Variants in IGSF11 observed in about 807,000 individuals in gnomAD.
IGSF11 encodes the protein immunoglobulin superfamily member 11.
Under a neutral mutation model 41.0 loss-of-function variants are expected in IGSF11, and 22 were observed. That is an observed-to-expected ratio of 0.54 (90% CI 0.38 to 0.77). IGSF11 has a LOEUF of 0.77. IGSF11 is among the 30% of genes least tolerant of loss of function. The probability of loss-of-function intolerance (pLI) is 0.00; values close to 1 mark genes in which losing one functional copy is unlikely to be tolerated. For synonymous variants in IGSF11, 219 were observed against 201.3 expected, an observed-to-expected ratio of 1.09 and a Z score of -0.74; for missense variants, 444 against 530.8, an observed-to-expected ratio of 0.84 and a Z score of 1.61.
At chr3:119,094,223 T>TTAAAAAAAAAA (rs1491294473) in intron 1 of IGSF11, among the ~76,000 whole-genome samples, 2 of 35,074 alleles carry the variant, frequency 5.7e-5, no homozygotes, top group Non-Finnish European at 5.7e-5. Flanking sequence ...CATAGCGAAG[T>TTAAAAAAAAAA]AAAAAAAAAA....
chr3:119,100,023 C>T (rs554290018), intron 1 of IGSF11, among the ~76,000 whole-genome samples: 4 of 152,070 alleles, frequency 2.6e-5, no homozygotes, highest in Non-Finnish European at 4.4e-5. Context: ...TAAGACAGAA[C>T]GGGATGACAT....
chr3:118,926,356 A>G (rs1942302169), intron 3 of IGSF11, 100 bp from the exon 4 acceptor site: 7 of 975,158 alleles, frequency 7.2e-6, no homozygotes, highest in Non-Finnish European at 1.0e-5. Flanking sequence ...CTTAGATTAC[A>G]CTGTTTTGGG....
At chr3:119,055,922 A>G (rs370375910) in intron 1 of IGSF11, among the ~76,000 whole-genome samples, 1 of 152,212 alleles carries the variant, frequency 6.6e-6, no homozygotes, top group East Asian at 1.9e-4. Flanking sequence ...TTTGAAACCA[A>G]TAAGAAAAAA....
intron 1 of IGSF11, among the ~76,000 whole-genome samples, chr3:118,961,899 T>C (rs1246291925): frequency 1.3e-5 from 2 of 152,252 alleles, no homozygotes; most frequent in East Asian, 1.9e-4. Context: ...CTACGTAATA[T>C]ATGTGTAAAT....
intron 1 of IGSF11, among the ~76,000 whole-genome samples, chr3:119,040,102 G>C (rs1941064760): frequency 6.6e-6 from 1 of 152,158 alleles, no homozygotes; most frequent in African/African-American, 2.4e-5. Flanking sequence ...CATGCAGCCA[G>C]AGGCTACAAG....
chr3:119,073,503 G>T (rs571050425), intron 1 of IGSF11, among the ~76,000 whole-genome samples: 20 of 152,288 alleles, frequency 1.3e-4, no homozygotes, highest in African/African-American at 4.3e-4. Flanking sequence ...AGCCCACCGT[G>T]GGGGGGCTCG....
intron 1 of IGSF11, among the ~76,000 whole-genome samples, chr3:119,031,618 C>T (rs894585270): frequency 2.6e-5 from 4 of 152,202 alleles, no homozygotes; most frequent in African/African-American, 9.7e-5. Flanking sequence ...AAGCATAACG[C>T]TTTTTAAGTG....
intron 1 of IGSF11, among the ~76,000 whole-genome samples, chr3:119,092,073 G>T (rs953513590): frequency 1.3e-5 from 2 of 151,384 alleles, no homozygotes; most frequent in African/African-American, 4.9e-5. Flanking sequence ...GTGCAGTGGT[G>T]CAATCTCGGC....
intron 1 of IGSF11, among the ~76,000 whole-genome samples, chr3:119,046,373 C>A (rs1451028139): frequency 2.0e-5 from 3 of 151,928 alleles, no homozygotes; most frequent in Non-Finnish European, 2.9e-5. Flanking sequence ...CTGATGCAAT[C>A]AACTGGAAGA....
intron 1 of IGSF11, among the ~76,000 whole-genome samples, chr3:119,017,760 T>G: frequency 6.6e-6 from 1 of 151,192 alleles, no homozygotes; most frequent in South Asian, 2.1e-4. Flanking sequence ...AAGAACTGAG[T>G]TTTTTGTTTG....
intron 1 of IGSF11, among the ~76,000 whole-genome samples, chr3:119,089,388 T>C (rs2196359): frequency 0.094 from 14,222 of 151,866 alleles, 1,453 homozygotes; most frequent in African/African-American, 0.25. Context: ...TCCTTCATGA[T>C]AAAAAACCCT....
intron 1 of IGSF11, among the ~76,000 whole-genome samples, chr3:119,007,113 G>C (rs1255293947): frequency 2.6e-4 from 36 of 137,688 alleles, no homozygotes; most frequent in African/African-American, 9.8e-4. Context: ...AGCAATCAGC[G>C]AGACTCCGTG....
chr3:118,941,889 A>T (rs1437470391), intron 1 of IGSF11, among the ~76,000 whole-genome samples: 1 of 152,208 alleles, frequency 6.6e-6, no homozygotes, highest in East Asian at 1.9e-4. Flanking sequence ...TACTGCATGT[A>T]TCCATTAAAA....
intron 1 of IGSF11, among the ~76,000 whole-genome samples, chr3:119,120,310 G>A (rs1576825021): frequency 6.6e-6 from 1 of 152,236 alleles, no homozygotes; most frequent in East Asian, 1.9e-4. Context: ...AAAGAACTGT[G>A]GCCATACACT....
intron 1 of IGSF11, among the ~76,000 whole-genome samples, chr3:119,060,073 C>T (rs1417700229): frequency 1.3e-5 from 2 of 152,174 alleles, no homozygotes; most frequent in Non-Finnish European, 2.9e-5. Context: ...TTTGGCTATT[C>T]AGCCTCCTTT....
At chr3:119,086,674 T>C (rs1279627538) in intron 1 of IGSF11, among the ~76,000 whole-genome samples, 1 of 152,126 alleles carries the variant, frequency 6.6e-6, no homozygotes, top group Non-Finnish European at 1.5e-5. Context: ...CTAAACTTCA[T>C]GAGTGAAGGA....
intron 1 of IGSF11, among the ~76,000 whole-genome samples, chr3:118,932,008 C>T (rs1017766022): frequency 1.3e-5 from 2 of 152,160 alleles, no homozygotes; most frequent in African/African-American, 4.8e-5. Context: ...GGTGGGATTA[C>T]AGGCGTGAGC....
intron 1 of IGSF11, among the ~76,000 whole-genome samples, chr3:119,075,688 A>T (rs574421515): frequency 2.4e-4 from 37 of 152,320 alleles, no homozygotes; most frequent in Non-Finnish European, 4.9e-4. Flanking sequence ...CAAATCAATA[A>T]ATGTGATTCA....
intron 1 of IGSF11, among the ~76,000 whole-genome samples, chr3:119,000,525 T>C (rs1936710018): frequency 7.1e-6 from 1 of 141,760 alleles, no homozygotes; most frequent in South Asian, 2.3e-4. Context: ...TCCTTGACTA[T>C]TCTTTTTTTT....
Sources: gnomAD v4.1 joint callset for allele counts (sites outside exome capture counted in the v4.1 genomes callset) on GRCh38, gnomAD v4.1.1 for gene constraint, MANE v1.5 for transcripts, NCBI Gene and HGNC (gene_info 2026-07-23, HGNC 2026-07-21) for gene names.